The following TMEM167A variants were observed in gnomAD, a reference collection of about 807,000 sequenced individuals.
The protein encoded by TMEM167A is protein kish-A.
In TMEM167A, 8 loss-of-function variants were observed where a neutral mutation model predicts 11.6. That is an observed-to-expected ratio of 0.69 (90% confidence interval 0.40 to 1.24). The LOEUF is 1.24. Ranked by LOEUF, TMEM167A falls within the 50% of genes most tolerant of loss-of-function variation. The pLI is 0.01. For missense variants in TMEM167A, 62 were observed against 87.0 expected (o/e 0.71, Z 1.14); for synonymous variants, 22 against 28.0 (o/e 0.79, Z 0.67).
At chr5:83,067,892 A>AT in intron 1 of TMEM167A, among the ~76,000 whole-genome samples, 1 of 152,284 alleles carries the variant, frequency 6.6e-6, no homozygotes, top group Non-Finnish European at 1.5e-5. Context: ...GACAAAAATG[A>AT]TTTGTAATTA....
Position 83,058,904 on chromosome 5 carries a change from G to C in TMEM167A, c.149-1750C>G, listed in dbSNP as rs1444645483. Among the ~76,000 whole-genome samples the C allele has an allele frequency of 3.9e-5, 6 of 152,150 alleles. No homozygotes were observed. The East Asian group carries it at 1.2e-3, about 29-fold the overall frequency. The stretch of plus-strand genomic sequence containing the variant: ...GAATGTAAAACAGTTGCTGTAATGT[G>C]ATGTGTAACATGATAAGATGATTTG... On this transcript the variant is annotated intron_variant, in intron 3 of 3. Coordinates refer to ENST00000502346, the MANE Select transcript of TMEM167A (RefSeq NM_174909.5).
In TMEM167A at chr5:83,069,495, T is replaced by TTAAGTCATGA. The variant is rs570674172; in HGVS notation, c.4-4388_4-4379dup. On this transcript the variant is annotated intron_variant, in intron 1 of 3. Coordinates refer to ENST00000502346, the MANE Select transcript of TMEM167A (RefSeq NM_174909.5). Reference sequence around the variant, plus strand: ...CCTTGTTTAATTTTTTTCAGGGCCTTTAAGTCATGAAACCTTTTCCAAGGT... The same window carrying TTAAGTCATGA: ...CCTTGTTTAATTTTTTTCAGGGCCTTTAAGTCATGATAAGTCATGAAACCTTTTCCAAGGT... Among the ~76,000 whole-genome samples, 136 of 152,148 alleles carry TTAAGTCATGA rather than the reference T, an allele frequency of 8.9e-4. No individual in the cohort carries two copies. The Middle Eastern group carries it at 0.014, about 15-fold the overall frequency.
intron 3 of TMEM167A, among the ~76,000 whole-genome samples, chr5:83,057,661 A>C (rs1187036393): frequency 1.3e-5 from 2 of 152,122 alleles, no homozygotes; most frequent in Non-Finnish European, 2.9e-5. Flanking sequence ...ATAAAACTGC[A>C]TTTAAAAAAT....
chr5:83,060,572 C>G (rs144470406), intron 3 of TMEM167A, among the ~76,000 whole-genome samples: 6,374 of 151,700 alleles, frequency 0.042, 420 homozygotes, highest in African/African-American at 0.15. Flanking sequence ...TGGCTCATGC[C>G]TGTAATCCCA....
At chr5:83,076,595 T>C (rs1744670093) in intron 1 of TMEM167A, among the ~76,000 whole-genome samples, 3 of 152,242 alleles carry the variant, frequency 2.0e-5, no homozygotes, top group African/African-American at 7.2e-5. Context: ...GCTCATAATT[T>C]TTCACCATGG....
At position 83,065,068 on chromosome 5, in the gene TMEM167A, A is replaced by G; in HGVS notation, c.53T>C (p.Ile18Thr). The change falls in exon 2 of 4, where the codon ATA (isoleucine) becomes ACA (threonine). Residue 18 changes from isoleucine to threonine, a missense_variant. Physicochemically the swap from Ile to Thr is moderately conservative, Grantham distance 89. Coordinates refer to ENST00000502346, the MANE Select transcript of TMEM167A (RefSeq NM_174909.5). ...GGATCGAATATAAGCACAGGTACAT[A>G]TAAGCAGCAAGATTACAGTCAATAG... ...QSLLTVILLL[I>T]CTCAYIRSLA... The G allele has an allele frequency of 6.2e-7, 1 of 1,607,216 alleles. No homozygotes were observed. The highest frequency in any genetic ancestry group is 8.5e-7 in the Non-Finnish European group (1 of 1,178,218).
intron 2 of TMEM167A, among the ~76,000 whole-genome samples, chr5:83,063,436 G>T (rs1744434566): frequency 6.6e-6 from 1 of 152,072 alleles, no homozygotes; most frequent in Non-Finnish European, 1.5e-5. Context: ...AATAGGTTAG[G>T]CATTTGCAAA....
chr5:83,056,441 TC>T lies in TMEM167A; in HGVS notation c.*642del, dbSNP rs1744333137. 6.6e-6 allele frequency: 1 copy of T among 152,116 alleles called. No individual in the cohort carries two copies. Among genetic ancestry groups the T allele is most frequent in the South Asian group, 2.1e-4 (1 of 4,834 alleles). The allele number at this position is 152,116 out of a possible 1,614,324, so 9.4% of individuals were successfully genotyped here. A position where few individuals can be genotyped will look rare whatever the true frequency, so the allele number is the denominator to read the frequency against. On this transcript the variant is annotated 3_prime_UTR_variant, in exon 4 of 4. Transcript: ENST00000502346. The stretch of plus-strand genomic sequence containing the variant: ...AGAGCCTACTATGTCATTTGGCTAG[TC>T]TAAATCCACTAATGTTAACTATCAA...
intron 1 of TMEM167A, among the ~76,000 whole-genome samples, chr5:83,068,437 A>G (rs1744514412): frequency 6.6e-6 from 1 of 152,220 alleles, no homozygotes; most frequent in Admixed American, 6.5e-5. Context: ...CACAGCAGTT[A>G]TAATCAAGTA....
intron 1 of TMEM167A, among the ~76,000 whole-genome samples, chr5:83,075,637 C>T (rs540286091): frequency 9.2e-5 from 14 of 151,470 alleles, no homozygotes; most frequent in Middle Eastern, 3.4e-3. Context: ...CCCAGCTACT[C>T]GGGAGGCTGA....
rs1424231665 is a variant in TMEM167A, at chr5:83,053,484, A to G, written c.*3600T>C. On this transcript the variant is annotated 3_prime_UTR_variant, in exon 4 of 4. Transcript: ENST00000502346. ...AAGTATACTACTGTATTCCTAGTCC[A>G]AAATAAGGTAGGCATGAATATATTC... is the stretch of plus-strand genomic sequence containing the variant. 1 of 152,034 alleles carries G rather than the reference A, an allele frequency of 6.6e-6. No individual in the cohort carries two copies. Among genetic ancestry groups the G allele is most frequent in the Non-Finnish European group, 1.5e-5 (1 of 67,940 alleles). 9.4% of individuals were successfully genotyped at this position (152,034 alleles called of 1,614,324 possible). A position where few individuals can be genotyped will look rare whatever the true frequency, so the allele number is the denominator to read the frequency against.
chr5:83,064,226 C>T (rs540491689), intron 2 of TMEM167A: 1 of 518,210 alleles, frequency 1.9e-6, no homozygotes, highest in African/African-American at 1.9e-5. Flanking sequence ...AATATACTAC[C>T]ACTCAACCTT....
intron 3 of TMEM167A, among the ~76,000 whole-genome samples, chr5:83,061,526 A>G (rs564684604): frequency 6.6e-6 from 1 of 152,252 alleles, no homozygotes; most frequent in South Asian, 2.1e-4. Context: ...CTTCTGCCTC[A>G]GCCTCCTGAG....
intron 1 of TMEM167A, among the ~76,000 whole-genome samples, chr5:83,074,336 G>C (rs1744606856): frequency 6.6e-6 from 1 of 152,166 alleles, no homozygotes; most frequent in Admixed American, 6.5e-5. Context: ...TTAAAGTACA[G>C]GTGAGAGAGA....
chr5:83,074,175 C>G (rs1370511032), intron 1 of TMEM167A, among the ~76,000 whole-genome samples: 1 of 152,232 alleles, frequency 6.6e-6, no homozygotes, highest in Non-Finnish European at 1.5e-5. Flanking sequence ...CACCAGTCCA[C>G]TATACTTGAC....
chr5:83,056,998 G>A lies in TMEM167A; in HGVS notation c.*86C>T, dbSNP rs1322373515. ...TCATTCAATGTTCGGAGATAAAAGA[G>A]TTAAACATCCTTTCCATTATTTTCT... On this transcript the variant is annotated 3_prime_UTR_variant, in exon 4 of 4. Transcript: ENST00000502346. 3 of 1,221,778 alleles carry A rather than the reference G, an allele frequency of 2.5e-6. No homozygotes were observed. The highest frequency in any genetic ancestry group is 3.6e-6 in the Non-Finnish European group (3 of 831,524). 75.7% of individuals were successfully genotyped at this position (1,221,778 alleles called of 1,614,324 possible). A position where few individuals can be genotyped will look rare whatever the true frequency, so the allele number is the denominator to read the frequency against.
At chr5:83,064,371 G>T in intron 2 of TMEM167A, 1 of 517,340 alleles carries the variant, frequency 1.9e-6, no homozygotes. Context: ...TTTCGTGATA[G>T]CATAGGGAAA....
At chr5:83,059,079 T>C (rs1744371411) in intron 3 of TMEM167A, among the ~76,000 whole-genome samples, 2 of 151,822 alleles carry the variant, frequency 1.3e-5, no homozygotes, top group Non-Finnish European at 2.9e-5. Context: ...TTTCACAGAA[T>C]TGGCAAGAAT....
chr5:83,062,641 C>T (rs192755739), intron 2 of TMEM167A, among the ~76,000 whole-genome samples: 37 of 151,896 alleles, frequency 2.4e-4, no homozygotes, highest in African/African-American at 8.4e-4. Flanking sequence ...AACAAATCAT[C>T]TTTAAAAAAA....
Sources: allele counts gnomAD v4.1 joint callset (sites outside exome capture counted in the v4.1 genomes callset), GRCh38; gene constraint gnomAD v4.1.1; transcripts MANE v1.5; gene names NCBI Gene and HGNC (gene_info 2026-07-23, HGNC 2026-07-21).